Variants in RERE observed in about 807,000 individuals in gnomAD.
The protein encoded by RERE is arginine-glutamic acid dipeptide repeats, also known as arginine-glutamic acid dipeptide repeats protein.
A neutral mutation model predicts 146.1 loss-of-function variants in RERE; 40 were observed. That is an observed-to-expected ratio of 0.27 (90% CI 0.21 to 0.36). The LOEUF is 0.36. RERE is among the 10% of genes least tolerant of loss of function. RERE has a pLI of 1.00. For missense variants in RERE, 1,933 were observed against 2,138.7 expected (o/e 0.90, Z 1.90); for synonymous variants, 1,003 against 866.0 (o/e 1.16, Z -2.78).
rs147549489 is a variant in RERE, at chr1:8,662,820, T to C, written c.-144-6379A>G. ...CCAAGTTCTTAGCACTGCCGCTTGC[T>C]GCACTGCCTTGGGCAAATCACTCTA... On this transcript the variant is annotated intron_variant, in intron 1 of 22. Transcript: ENST00000400908. Among the ~76,000 whole-genome samples, 15 of 152,352 alleles carry C rather than the reference T, an allele frequency of 9.8e-5. No homozygotes were observed. In the East Asian group the frequency reaches 2.7e-3, roughly 27 times the overall value.
intron 1 of RERE, among the ~76,000 whole-genome samples, chr1:8,657,399 C>G (rs1333561605): frequency 1.3e-5 from 2 of 151,814 alleles, no homozygotes; most frequent in Non-Finnish European, 2.9e-5. Flanking sequence ...GCTACTTCTA[C>G]AAACTCCCAG....
At chr1:8,713,497 G>GC (rs1639706851) in intron 1 of RERE, among the ~76,000 whole-genome samples, 1 of 152,130 alleles carries the variant, frequency 6.6e-6, no homozygotes, top group Admixed American at 6.5e-5. Flanking sequence ...ACTTTGGGAG[G>GC]CTGAGGTGGG....
intron 12 of RERE, among the ~76,000 whole-genome samples, chr1:8,380,492 G>A (rs1204798710): frequency 6.6e-6 from 1 of 152,094 alleles, no homozygotes; most frequent in East Asian, 1.9e-4. Context: ...GGAACTATAG[G>A]CACGTGCCAC....
chr1:8,720,834 T>G (rs909282393), intron 1 of RERE, among the ~76,000 whole-genome samples: 1 of 152,128 alleles, frequency 6.6e-6, no homozygotes. Context: ...AGAGGGCGGA[T>G]TACTTGAGGT....
intron 11 of RERE, among the ~76,000 whole-genome samples, chr1:8,464,251 C>A (rs190134855): frequency 2.0e-5 from 3 of 152,266 alleles, no homozygotes; most frequent in African/African-American, 7.2e-5. Flanking sequence ...AACCCTAGGG[C>A]CATTTCAGTG....
intron 6 of RERE, among the ~76,000 whole-genome samples, chr1:8,551,965 T>C (rs1433600548): frequency 6.6e-6 from 1 of 152,230 alleles, no homozygotes; most frequent in Non-Finnish European, 1.5e-5. Context: ...ATGGTGGTTA[T>C]GGATAAAGTG....
At chr1:8,668,572 C>T (rs565323772) in intron 1 of RERE, among the ~76,000 whole-genome samples, 65 of 152,196 alleles carry the variant, frequency 4.3e-4, no homozygotes, top group Non-Finnish European at 2.9e-5. Context: ...ATGCAAAACA[C>T]AAGCAGATGG....
chr1:8,443,538 G>A (rs936246146), intron 11 of RERE, among the ~76,000 whole-genome samples: 5 of 151,546 alleles, frequency 3.3e-5, no homozygotes, highest in African/African-American at 1.2e-4. Flanking sequence ...TCACTTGCTA[G>A]AGATATTTGT....
chr1:8,396,117 G>C (rs1474001987), intron 12 of RERE, among the ~76,000 whole-genome samples: 1 of 152,180 alleles, frequency 6.6e-6, no homozygotes, highest in Non-Finnish European at 1.5e-5. Context: ...AGAAGGCACA[G>C]AACAACTGAG....
At chr1:8,732,375 C>A (rs533162993) in intron 1 of RERE, among the ~76,000 whole-genome samples, 15 of 152,240 alleles carry the variant, frequency 9.9e-5, no homozygotes, top group Admixed American at 8.5e-4. Context: ...GTGAAAGAAG[C>A]CAATCTGAAA....
At chr1:8,689,567 A>G (rs551949162) in intron 1 of RERE, among the ~76,000 whole-genome samples, 124 of 152,330 alleles carry the variant, frequency 8.1e-4, no homozygotes, top group Middle Eastern at 3.4e-3. Context: ...CAAGGAATTC[A>G]TATTTTTTCC....
At chr1:8,478,840 G>A (rs1422751230) in intron 10 of RERE, among the ~76,000 whole-genome samples, 2 of 152,212 alleles carry the variant, frequency 1.3e-5, no homozygotes, top group Admixed American at 1.3e-4. Flanking sequence ...GACTGGTGCA[G>A]GCTGGACCCA....
chr1:8,357,274 A>G (rs576434429), intron 20 of RERE, among the ~76,000 whole-genome samples: 8 of 152,348 alleles, frequency 5.3e-5, no homozygotes, highest in African/African-American at 1.9e-4. Context: ...ACCTGTCCTC[A>G]ACACTGCTCA....
At chr1:8,653,483 A>AG (rs1214049566) in intron 2 of RERE, among the ~76,000 whole-genome samples, 1 of 152,092 alleles carries the variant, frequency 6.6e-6, no homozygotes, top group African/African-American at 2.4e-5. Flanking sequence ...CGAGGCGGGT[A>AG]GATCACGAGG....
intron 12 of RERE, among the ~76,000 whole-genome samples, chr1:8,403,325 G>A (rs1643327268): frequency 6.6e-6 from 1 of 151,990 alleles, no homozygotes; most frequent in Non-Finnish European, 1.5e-5. Flanking sequence ...TTACATGTGT[G>A]GGTTTGTGTA....
chr1:8,523,091 T>C (rs1445552810), intron 7 of RERE, among the ~76,000 whole-genome samples: 5 of 151,916 alleles, frequency 3.3e-5, no homozygotes, highest in Non-Finnish European at 7.4e-5. Flanking sequence ...GGCAGGAGAA[T>C]CACCTTAGCC....
chr1:8,634,859 A>C (rs925358586), intron 2 of RERE, among the ~76,000 whole-genome samples: 3 of 152,002 alleles, frequency 2.0e-5, no homozygotes, highest in Non-Finnish European at 4.4e-5. Context: ...CCTCAGCCTC[A>C]TGAGTAGCTG....
At chr1:8,662,027 A>G (rs1016857422) in intron 1 of RERE, among the ~76,000 whole-genome samples, 1 of 152,220 alleles carries the variant, frequency 6.6e-6, no homozygotes, top group Admixed American at 6.5e-5. Context: ...CCTCTCAATC[A>G]TTTCCTGATT....
intron 16 of RERE, 47 bp downstream of exon 16, chr1:8,362,636 T>C: frequency 6.2e-7 from 1 of 1,612,576 alleles, no homozygotes. Context: ...CCAGTTTTAA[T>C]GTGAGGGAGG....
Sources: gnomAD v4.1 joint callset for allele counts (sites outside exome capture counted in the v4.1 genomes callset) on GRCh38, gnomAD v4.1.1 for gene constraint, MANE v1.5 for transcripts, NCBI Gene and HGNC (gene_info 2026-07-23, HGNC 2026-07-21) for gene names.